Variants in FLYWCH2 observed in about 807,000 individuals in gnomAD.
FLYWCH2 encodes FLYWCH family member 2.
FLYWCH2 carries 2 observed loss-of-function variants against 6.0 expected under a neutral mutation model. The observed-to-expected ratio is 0.33, with a 90% CI of 0.14 to 1.04. The LOEUF (loss-of-function observed/expected upper bound fraction) is 1.04, where lower values mean the gene tolerates loss of function less well. FLYWCH2 is among the 50% of genes least tolerant of loss of function. FLYWCH2 has a pLI of 0.45. For missense variants in FLYWCH2, 192 were observed against 183.4 expected, an observed-to-expected ratio of 1.05 and a Z score of -0.27; for synonymous variants, 87 against 79.3, an observed-to-expected ratio of 1.10 and a Z score of -0.52.
intron 3 of FLYWCH2, among the ~76,000 whole-genome samples, chr16:2,897,630 G>C (rs900152415): frequency 6.6e-6 from 1 of 152,236 alleles, no homozygotes; most frequent in Non-Finnish European, 1.5e-5. Flanking sequence ...GATGAGAGCA[G>C]GGCTGCCCCT....
At chr16:2,890,947 A>C (rs2150846325) in intron 1 of FLYWCH2, among the ~76,000 whole-genome samples, 1 of 152,316 alleles carries the variant, frequency 6.6e-6, no homozygotes, top group East Asian at 1.9e-4. Flanking sequence ...TGGAGGGGGA[A>C]GTGTCCGCAC....
chr16:2,889,867 T>C (rs895875663), intron 1 of FLYWCH2, among the ~76,000 whole-genome samples: 1 of 152,072 alleles, frequency 6.6e-6, no homozygotes, highest in Admixed American at 6.6e-5. Flanking sequence ...AGCAAATCTC[T>C]TGAGGTCTGG....
At chr16:2,894,523 C>G (rs575441258) in intron 1 of FLYWCH2, among the ~76,000 whole-genome samples, 125 of 152,334 alleles carry the variant, frequency 8.2e-4, no homozygotes, top group African/African-American at 2.9e-3. Flanking sequence ...GAGTGGCCCC[C>G]AGGTCCCCGG....
chr16:2,898,713 A>C (rs553107069), intron 3 of FLYWCH2: 3 of 231,052 alleles, frequency 1.3e-5, no homozygotes, highest in African/African-American at 2.3e-5. Flanking sequence ...CCCGCAGGCA[A>C]TCACCCTCAG....
At chr16:2,887,983 A>G (rs8059172) in intron 1 of FLYWCH2, among the ~76,000 whole-genome samples, 76,204 of 151,498 alleles carry the variant, frequency 0.5, 19,634 homozygotes, top group Non-Finnish European at 0.55. Context: ...TATTCTGTTG[A>G]TCTCTGTGTC....
intron 1 of FLYWCH2, among the ~76,000 whole-genome samples, chr16:2,890,833 C>G (rs1023339232): frequency 1.3e-5 from 2 of 152,168 alleles, no homozygotes; most frequent in African/African-American, 4.8e-5. Context: ...CCCCAGAGTT[C>G]TGGAATTACA....
chr16:2,896,815 A>C (rs367601895), intron 3 of FLYWCH2, 44 bp downstream of exon 3: 57 of 1,562,740 alleles, frequency 3.6e-5, no homozygotes, highest in Non-Finnish European at 4.5e-5. Flanking sequence ...GGCACCTCCC[A>C]GGGTGGCCCC....
At position 2,899,055 on chromosome 16, in the gene FLYWCH2, A is replaced by G. The variant is rs960678949; in HGVS notation, c.329A>G (p.Asp110Gly). The change falls in exon 4 of 4, where the codon GAC becomes GGC. Residue 110 changes from aspartate (D) to glycine (G), a missense_variant. By Grantham distance (94) the Asp-to-Gly change is moderately conservative. Transcript: ENST00000396958. Reference protein sequence around the residue: ...QKRSRQDPGTDRTEDSGLAAG... With the variant: ...QKRSRQDPGTGRTEDSGLAAG... ...CCACCCTCTTCTCTCGCAGGCACAGACAGAACAGAAGACAGTGGATTAGCA... is the reference window on the plus strand; with the variant it reads ...CCACCCTCTTCTCTCGCAGGCACAGGCAGAACAGAAGACAGTGGATTAGCA... 6.2e-7 allele frequency: 1 copy of G among 1,612,612 alleles called. No individual in the cohort carries two copies. Among genetic ancestry groups the G allele is most frequent in the African/African-American group, 1.3e-5 (1 of 74,786 alleles).
chr16:2,896,400 C>T lies in FLYWCH2; in HGVS notation c.-50C>T, dbSNP rs1017575466. On this transcript the variant is annotated 5_prime_UTR_variant, in exon 3 of 4. Coordinates refer to ENST00000396958, the MANE Select transcript of FLYWCH2 (RefSeq NM_138439.3). Reference sequence around the variant, plus strand: ...TCCTTGCCTGGGAGTAGGAGAAATCCACCTGCTGGGGGCTGAGTGTGGCCT... The same window carrying T: ...TCCTTGCCTGGGAGTAGGAGAAATCTACCTGCTGGGGGCTGAGTGTGGCCT... 1.9e-6 allele frequency: 3 copies of T among 1,542,042 alleles called. No individual in the cohort carries two copies. Among genetic ancestry groups the T allele is most frequent in the African/African-American group, 2.7e-5 (2 of 72,742 alleles).
intron 3 of FLYWCH2, 30 bp from the exon 4 acceptor site, chr16:2,899,019 A>G: frequency 6.3e-7 from 1 of 1,585,754 alleles, no homozygotes; most frequent in Non-Finnish European, 8.6e-7. Flanking sequence ...CTCCATTGAC[A>G]CCAGCCTGAT....
chr16:2,885,253 C>A (rs533238316), intron 1 of FLYWCH2, among the ~76,000 whole-genome samples: 5 of 152,004 alleles, frequency 3.3e-5, no homozygotes, highest in African/African-American at 1.2e-4. Context: ...ACCCGGGAGG[C>A]GGAGCTTGCA....
At chr16:2,885,860 C>CT (rs1408302885) in intron 1 of FLYWCH2, among the ~76,000 whole-genome samples, 1 of 152,124 alleles carries the variant, frequency 6.6e-6, no homozygotes, top group Non-Finnish European at 1.5e-5. Context: ...AGTGGAATTG[C>CT]TGGGTCATAG....
intron 1 of FLYWCH2, among the ~76,000 whole-genome samples, chr16:2,892,907 A>ATGTC (rs56257130): frequency 1.5e-5 from 2 of 130,458 alleles, no homozygotes; most frequent in African/African-American, 5.5e-5. Flanking sequence ...TATGTCATAT[A>ATGTC]ATATATATTA....
Position 2,899,168 on chromosome 16 carries a change from C to A in FLYWCH2, c.*19C>A, listed in dbSNP as rs757171625. 1 of 1,594,772 alleles carries A rather than the reference C, an allele frequency of 6.3e-7. No individual in the cohort carries two copies. ...CCTGTAACCTTGACAACAGGCGCAT[C>A]CTCCCAGGCCACCAACCCAGCCATA... On this transcript the variant is annotated 3_prime_UTR_variant, in exon 4 of 4. Coordinates refer to ENST00000396958, the MANE Select transcript of FLYWCH2 (RefSeq NM_138439.3).
chr16:2,890,941 G>T (rs904132124), intron 1 of FLYWCH2, among the ~76,000 whole-genome samples: 1 of 152,172 alleles, frequency 6.6e-6, no homozygotes, highest in Non-Finnish European at 1.5e-5. Context: ...ATTTCCTGGA[G>T]GGGGAAGTGT....
At chr16:2,895,026 AGTCTTGT>A (rs2069802480) in intron 1 of FLYWCH2, among the ~76,000 whole-genome samples, 187 bp from the exon 2 acceptor site, 1 of 152,080 alleles carries the variant, frequency 6.6e-6, no homozygotes, top group South Asian at 2.1e-4. Flanking sequence ...CCCAAGCTGC[AGTCTTGT>A]GTCTAGGCTA....
At position 2,895,293 on chromosome 16, in the gene FLYWCH2, G is replaced by A. The variant is rs2069806278; in HGVS notation, c.-126G>A. On this transcript the variant is annotated 5_prime_UTR_variant, in exon 2 of 4. Transcript: ENST00000396958. ...ACATCGCTGTCCCCACCCAGCCAGG[G>A]CAGCGCCAGCACTAGCTCAGACGCA... 6.6e-6 allele frequency: 1 copy of A among 152,346 alleles called. No homozygotes were observed. Among genetic ancestry groups the A allele is most frequent in the Admixed American group, 6.5e-5 (1 of 15,276 alleles). The allele number at this position is 152,346 out of a possible 1,614,324, so 9.4% of individuals were successfully genotyped here. A position where few individuals can be genotyped will look rare whatever the true frequency, so the allele number is the denominator to read the frequency against.
chr16:2,889,563 AC>A (rs898623705), intron 1 of FLYWCH2, among the ~76,000 whole-genome samples: 21 of 132,376 alleles, frequency 1.6e-4, no homozygotes, highest in African/African-American at 5.2e-4. Context: ...AAAAAAAAAA[AC>A]AACCTGAAAA....
At chr16:2,891,892 A>G (rs1046489776) in intron 1 of FLYWCH2, among the ~76,000 whole-genome samples, 2 of 151,912 alleles carry the variant, frequency 1.3e-5, no homozygotes, top group Non-Finnish European at 1.5e-5. Flanking sequence ...GAGTGGCCCA[A>G]AGAACTCAAG....
Sources: allele counts gnomAD v4.1 joint callset (sites outside exome capture counted in the v4.1 genomes callset), GRCh38; gene constraint gnomAD v4.1.1; transcripts MANE v1.5; gene names NCBI Gene and HGNC (gene_info 2026-07-23, HGNC 2026-07-21).